Variants in SH3RF3 observed in about 807,000 individuals in gnomAD.
SH3RF3 encodes the protein SH3 domain containing ring finger 3, also known as E3 ubiquitin-protein ligase SH3RF3.
A neutral mutation model predicts 66.3 loss-of-function variants in SH3RF3; 29 were observed. The observed-to-expected ratio is 0.44, with a 90% confidence interval of 0.33 to 0.60. The LOEUF (loss-of-function observed/expected upper bound fraction) is 0.60. Among genes scored for constraint, SH3RF3 ranks in the 20% least tolerant of loss-of-function variants. SH3RF3 has a pLI of 0.04. For missense variants in SH3RF3, 1,194 were observed against 1,190.9 expected (o/e 1.00, Z -0.04); for synonymous variants, 583 against 532.0 (o/e 1.10, Z -1.32).
At chr2:109,431,509 C>T (rs1243874113) in intron 5 of SH3RF3, among the ~76,000 whole-genome samples, 1 of 152,114 alleles carries the variant, frequency 6.6e-6, no homozygotes, top group African/African-American at 2.4e-5. Flanking sequence ...GTAGCTTGGC[C>T]CATGGGCTGA....
Position 109,328,105 on chromosome 2 carries a change from A to G in SH3RF3, c.574-19569A>G, listed in dbSNP as rs577451486. 4.6e-5 allele frequency among the ~76,000 whole-genome samples: 7 copies of G among 152,350 alleles called. No homozygotes were observed. In the South Asian group the frequency reaches 1.4e-3, roughly 32 times the overall value. On this transcript the variant is annotated intron_variant, in intron 1 of 9. Transcript: ENST00000309415. ...ATCCTTCAATATTTCAGTATGTATT[A>G]CCAACAGATGAAGTCTTAAAACAAA...
At chr2:109,422,204 C>T (rs894243818) in intron 5 of SH3RF3, among the ~76,000 whole-genome samples, 3 of 152,194 alleles carry the variant, frequency 2.0e-5, no homozygotes, top group Non-Finnish European at 4.4e-5. Flanking sequence ...CAGCAAACAA[C>T]AGTGCACTGC....
chr2:109,288,813 T>C (rs1334565057), intron 1 of SH3RF3, among the ~76,000 whole-genome samples: 1 of 152,200 alleles, frequency 6.6e-6, no homozygotes, highest in Non-Finnish European at 1.5e-5. Context: ...TCAAATCACT[T>C]TCTTATTTAG....
chr2:109,338,777 C>T (rs1348793488), intron 1 of SH3RF3, among the ~76,000 whole-genome samples: 4 of 152,204 alleles, frequency 2.6e-5, no homozygotes, highest in East Asian at 1.9e-4. Flanking sequence ...AGGCTGGTCT[C>T]GAACTCTTGA....
chr2:109,320,759 T>A (rs544087934), intron 1 of SH3RF3, among the ~76,000 whole-genome samples: 1 of 152,356 alleles, frequency 6.6e-6, no homozygotes, highest in South Asian at 2.1e-4. Context: ...ATGAACTTTC[T>A]GCTGGGAGAA....
intron 1 of SH3RF3, among the ~76,000 whole-genome samples, chr2:109,190,401 T>G (rs1218543644): frequency 6.6e-6 from 1 of 152,250 alleles, no homozygotes; most frequent in Non-Finnish European, 1.5e-5. Context: ...CTCAAATTCC[T>G]GACCTCAGGC....
chr2:109,464,133 C>G (rs1044208707), intron 8 of SH3RF3, among the ~76,000 whole-genome samples: 9 of 152,206 alleles, frequency 5.9e-5, no homozygotes, highest in Non-Finnish European at 2.9e-5. Flanking sequence ...TCAGTTTCTT[C>G]TAAAATACTT....
intron 1 of SH3RF3, among the ~76,000 whole-genome samples, chr2:109,231,577 A>G (rs1180248387): frequency 6.6e-6 from 1 of 152,184 alleles, no homozygotes; most frequent in African/African-American, 2.4e-5. Context: ...TTATTCCATG[A>G]TAAGCTACTT....
At chr2:109,430,014 C>G (rs1315668527) in intron 5 of SH3RF3, among the ~76,000 whole-genome samples, 1 of 152,216 alleles carries the variant, frequency 6.6e-6, no homozygotes, top group African/African-American at 2.4e-5. Context: ...AGCTCTGCAC[C>G]TTGCCTACCA....
At chr2:109,360,348 C>G (rs1386904231) in intron 2 of SH3RF3, among the ~76,000 whole-genome samples, 2 of 152,128 alleles carry the variant, frequency 1.3e-5, no homozygotes, top group Non-Finnish European at 2.9e-5. Flanking sequence ...AGGCTGATGC[C>G]AAACAACCAC....
intron 1 of SH3RF3, among the ~76,000 whole-genome samples, chr2:109,158,535 T>C (rs1677407436): frequency 1.3e-5 from 2 of 152,166 alleles, no homozygotes; most frequent in Non-Finnish European, 2.9e-5. Context: ...GATGGTGTCA[T>C]GTCCAGAGGC....
At chr2:109,464,501 CAAAT>C (rs910265837) in intron 8 of SH3RF3, among the ~76,000 whole-genome samples, 5 of 152,172 alleles carry the variant, frequency 3.3e-5, no homozygotes, top group Admixed American at 6.5e-5. Context: ...GATGCATACA[CAAAT>C]ACATACATGC....
chr2:109,501,209 G>T (rs1225407868), intron 9 of SH3RF3, among the ~76,000 whole-genome samples: 2 of 152,178 alleles, frequency 1.3e-5, no homozygotes, highest in African/African-American at 2.4e-5. Flanking sequence ...GCGTGGATAT[G>T]AGATGGGGGG....
intron 1 of SH3RF3, among the ~76,000 whole-genome samples, chr2:109,199,602 T>TAC (rs1558953936): frequency 5.9e-3 from 2 of 340 alleles, no homozygotes; most frequent in Admixed American, 0.062. Context: ...TGGAATGGAA[T>TAC]GGAATGGAAT....
intron 8 of SH3RF3, among the ~76,000 whole-genome samples, chr2:109,451,561 G>T (rs1175741966): frequency 6.6e-6 from 1 of 152,216 alleles, no homozygotes; most frequent in Non-Finnish European, 1.5e-5. Flanking sequence ...CTACACGGAG[G>T]ATGATGCTGT....
intron 9 of SH3RF3, among the ~76,000 whole-genome samples, chr2:109,499,495 TGGG>T (rs1679336057): frequency 6.6e-6 from 1 of 152,064 alleles, no homozygotes; most frequent in African/African-American, 2.4e-5. Flanking sequence ...ACAAAAGGGC[TGGG>T]GGTGCAGGGG....
chr2:109,403,009 G>A (rs1676355288), intron 4 of SH3RF3, among the ~76,000 whole-genome samples: 2 of 152,288 alleles, frequency 1.3e-5, no homozygotes, highest in African/African-American at 4.8e-5. Context: ...GGTGGGTGGG[G>A]GGATGTGGAT....
intron 1 of SH3RF3, among the ~76,000 whole-genome samples, chr2:109,275,144 C>A (rs925355416): frequency 1.1e-4 from 16 of 152,080 alleles, no homozygotes; most frequent in Non-Finnish European, 2.4e-4. Context: ...ACAGCAAGAG[C>A]CTGAGGTTGA....
chr2:109,419,146 C>T (rs931839702), intron 4 of SH3RF3, among the ~76,000 whole-genome samples: 7 of 152,302 alleles, frequency 4.6e-5, no homozygotes, highest in East Asian at 1.9e-4. Context: ...TTCCTGGGGA[C>T]GCTCTTTTTA....
Sources: gnomAD v4.1 joint callset for allele counts (sites outside exome capture counted in the v4.1 genomes callset) on GRCh38, gnomAD v4.1.1 for gene constraint, MANE v1.5 for transcripts, NCBI Gene and HGNC (gene_info 2026-07-23, HGNC 2026-07-21) for gene names.